AK5: variants seen among roughly 807,000 people sequenced by gnomAD.
AK5 encodes adenylate kinase 5, also known as adenylate kinase isoenzyme 5.
A neutral mutation model predicts 69.5 loss-of-function variants in AK5; 27 were observed. That is an observed-to-expected ratio of 0.39 (90% CI 0.29 to 0.54). AK5 has a LOEUF of 0.54. Ranked by LOEUF, AK5 falls within the 20% of genes least tolerant of loss-of-function variation. The pLI is 0.71. For synonymous variants in AK5, 260 were observed against 244.4 expected (o/e 1.06, Z -0.60); for missense variants, 531 against 700.4 (o/e 0.76, Z 2.73).
intron 6 of AK5, among the ~76,000 whole-genome samples, chr1:77,343,864 C>A (rs553625631): frequency 3.3e-5 from 5 of 152,228 alleles, no homozygotes; most frequent in Admixed American, 3.3e-4. Context: ...AATTCTGTGC[C>A]CTTTGAGGGA....
Position 77,535,528 on chromosome 1 carries a change from C to A in AK5, c.1429-319C>A, listed in dbSNP as rs1195069499. ...AAAGGCTTCACATTAGAGGAAACAC[C>A]CCCTCACACATACATACTCCTTTCT... On this transcript the variant is annotated intron_variant, in intron 12 of 13. Transcript: ENST00000354567. Among the ~76,000 whole-genome samples the A allele has an allele frequency of 4.6e-5, 7 of 152,254 alleles. No individual in the cohort carries two copies. The East Asian group carries it at 1.4e-3, about 29-fold the overall frequency.
At position 77,407,457 on chromosome 1, in the gene AK5, C is replaced by A. The variant is rs546047276; in HGVS notation, c.892-3524C>A. Among the ~76,000 whole-genome samples, 11 of 152,116 alleles carry A rather than the reference C, an allele frequency of 7.2e-5. 1 individual carries two copies. The highest frequency in any genetic ancestry group is 6.5e-4 in the Admixed American group (10 of 15,280). On this transcript the variant is annotated intron_variant, in intron 6 of 13. Coordinates refer to ENST00000354567, the MANE Select transcript of AK5 (RefSeq NM_174858.3). ...AAAAATCTAGAAAATGTAAAATAAT[C>A]TGTGGTTACAGAAAGCAGATAAATG... is the stretch of plus-strand genomic sequence containing the variant.
At chr1:77,484,424 G>T (rs1306529744) in intron 9 of AK5, among the ~76,000 whole-genome samples, 1 of 152,166 alleles carries the variant, frequency 6.6e-6, no homozygotes, top group African/African-American at 2.4e-5. Context: ...CTCTAATCCT[G>T]CACAGATCCA....
At chr1:77,296,968 A>G (rs1425204458) in intron 3 of AK5, among the ~76,000 whole-genome samples, 2 of 152,232 alleles carry the variant, frequency 1.3e-5, no homozygotes, top group African/African-American at 2.4e-5. Context: ...ATTTGTTTCT[A>G]AGTTCTCTAT....
chr1:77,341,453 A>G (rs1034224726), intron 6 of AK5, among the ~76,000 whole-genome samples: 7 of 152,206 alleles, frequency 4.6e-5, no homozygotes, highest in African/African-American at 1.7e-4. Context: ...AGTTTTGTGT[A>G]GTTGGGTTAC....
At chr1:77,466,244 C>T (rs1654133713) in intron 8 of AK5, among the ~76,000 whole-genome samples, 2 of 152,182 alleles carry the variant, frequency 1.3e-5, no homozygotes, top group Admixed American at 1.3e-4. Flanking sequence ...CACCCATTCA[C>T]CCTTCCTTTT....
At chr1:77,352,839 T>G (rs1171572934) in intron 6 of AK5, among the ~76,000 whole-genome samples, 1 of 152,204 alleles carries the variant, frequency 6.6e-6, no homozygotes, top group African/African-American at 2.4e-5. Context: ...TGGAAAGTCC[T>G]TAGTTAAATA....
At position 77,337,227 on chromosome 1, in the gene AK5, G is replaced by A. The variant is rs1048670607; in HGVS notation, c.700-3150G>A. Among the ~76,000 whole-genome samples, 6 of 152,150 alleles carry A rather than the reference G, an allele frequency of 3.9e-5. No individual in the cohort carries two copies. The South Asian group carries it at 6.2e-4, about 16-fold the overall frequency. ...TACCTGTAGTAAAAGACAAAATATAGTGATGATTGTAATTGTTGTAGTAAT... is the reference window on the plus strand; with the variant it reads ...TACCTGTAGTAAAAGACAAAATATAATGATGATTGTAATTGTTGTAGTAAT... On this transcript the variant is annotated intron_variant, in intron 5 of 13. Transcript: ENST00000354567.
At chr1:77,470,346 A>G (rs1177823829) in intron 8 of AK5, among the ~76,000 whole-genome samples, 1 of 152,128 alleles carries the variant, frequency 6.6e-6, no homozygotes, top group South Asian at 2.1e-4. Flanking sequence ...CTCCACAAAA[A>G]ATACAAAAAT....
chr1:77,313,117 T>C (rs1423402516), intron 5 of AK5, among the ~76,000 whole-genome samples: 1 of 152,142 alleles, frequency 6.6e-6, no homozygotes, highest in Non-Finnish European at 1.5e-5. Context: ...CTGTTTTTGG[T>C]ACAAGCAAAG....
intron 6 of AK5, among the ~76,000 whole-genome samples, chr1:77,398,636 A>G (rs17100513): frequency 0.067 from 10,223 of 152,266 alleles, 445 homozygotes; most frequent in East Asian, 0.16. Flanking sequence ...GCAGTAGAGA[A>G]AAAACGAGAA....
intron 5 of AK5, among the ~76,000 whole-genome samples, chr1:77,335,894 T>C (rs1661331046): frequency 6.6e-6 from 1 of 152,196 alleles, no homozygotes; most frequent in Admixed American, 6.5e-5. Flanking sequence ...ATTTGGTGTC[T>C]AGTGAGGGCC....
chr1:77,463,295 T>A (rs1038800558), intron 8 of AK5, among the ~76,000 whole-genome samples: 8 of 152,226 alleles, frequency 5.3e-5, no homozygotes, highest in South Asian at 4.1e-4. Context: ...TCAGCTTGGT[T>A]CACATTGATT....
intron 6 of AK5, among the ~76,000 whole-genome samples, chr1:77,358,689 A>G (rs574950602): frequency 6.6e-6 from 1 of 152,286 alleles, no homozygotes; most frequent in South Asian, 2.1e-4. Context: ...AATTCCTTCT[A>G]TCCTTAGCTC....
Position 77,282,210 on chromosome 1 carries a change from C to T in AK5, c.-104C>T, listed in dbSNP as rs1658097254. ...GTGCGCGTGAGAAAGAGGGCTGCAC[C>T]GCTGCTCGGCGCGGACTCTGCCAGC... On this transcript the variant is annotated 5_prime_UTR_variant, in exon 1 of 14. Coordinates refer to ENST00000354567, the MANE Select transcript of AK5 (RefSeq NM_174858.3). 1 of 1,114,604 alleles carries T rather than the reference C, an allele frequency of 9.0e-7. No individual in the cohort carries two copies. The highest frequency in any genetic ancestry group is 1.3e-6 in the Non-Finnish European group (1 of 786,720). 69.0% of individuals were successfully genotyped at this position (1,114,604 alleles called of 1,614,324 possible). A position where few individuals can be genotyped will look rare whatever the true frequency, so the allele number is the denominator to read the frequency against.
chr1:77,308,164 A>G (rs1199746120), intron 5 of AK5, among the ~76,000 whole-genome samples: 2 of 152,170 alleles, frequency 1.3e-5, no homozygotes, highest in African/African-American at 4.8e-5. Context: ...AAAGGAAAAC[A>G]GGTTTTGATA....
rs1000564988 is a variant in AK5 at position 77,470,240 on chromosome 1, C to A, written c.1060-13077C>A. 3.9e-5 allele frequency among the ~76,000 whole-genome samples: 6 copies of A among 152,174 alleles called. No individual in the cohort carries two copies. The East Asian group carries it at 1.2e-3, about 29-fold the overall frequency. On this transcript the variant is annotated intron_variant, in intron 8 of 13. Transcript: ENST00000354567. ...GCATCCCTGGCCGGGCGCAGTGGCTCACACCTGTAGTCCCAGCACTTAGTG... is the reference window on the plus strand; with the variant it reads ...GCATCCCTGGCCGGGCGCAGTGGCTAACACCTGTAGTCCCAGCACTTAGTG...
intron 10 of AK5, among the ~76,000 whole-genome samples, chr1:77,491,264 CA>C (rs1655975745): frequency 6.8e-6 from 1 of 147,674 alleles, no homozygotes; most frequent in Non-Finnish European, 1.5e-5. Flanking sequence ...GCCATGTTGC[CA>C]TTTCATTATT....
At chr1:77,292,118 A>T (rs1376887965) in intron 2 of AK5, among the ~76,000 whole-genome samples, 1 of 152,214 alleles carries the variant, frequency 6.6e-6, no homozygotes, top group Admixed American at 6.5e-5. Context: ...GGAGAGAAGC[A>T]TATGCATTTG....
Sources: allele counts gnomAD v4.1 joint callset (sites outside exome capture counted in the v4.1 genomes callset), GRCh38; gene constraint gnomAD v4.1.1; transcripts MANE v1.5; gene names NCBI Gene and HGNC (gene_info 2026-07-23, HGNC 2026-07-21).